The following CAPG variants were observed in gnomAD, a reference collection of about 807,000 sequenced individuals.
The protein encoded by CAPG is macrophage-capping protein.
A neutral mutation model predicts 44.6 loss-of-function variants in CAPG; 32 were observed. The ratio of observed to expected loss-of-function variants is 0.72; its 90% confidence interval spans 0.54 to 0.96. The LOEUF (loss-of-function observed/expected upper bound fraction) is 0.96, where lower values mean the gene tolerates loss of function less well. Among genes scored for constraint, CAPG ranks in the 50% least tolerant of loss-of-function variants. The pLI is 0.00. For missense variants in CAPG, 412 were observed against 438.3 expected (o/e 0.94, Z 0.54); for synonymous variants, 175 against 179.6 (o/e 0.97, Z 0.20).
chr2:85,402,485 G>A (rs1686951941), intron 1 of CAPG, among the ~76,000 whole-genome samples: 1 of 151,440 alleles, frequency 6.6e-6, no homozygotes, highest in Non-Finnish European at 1.5e-5. Flanking sequence ...TTTTTTTTTT[G>A]AGACTGAGTC....
At chr2:85,396,594 T>C (rs1686609439) in intron 8 of CAPG, among the ~76,000 whole-genome samples, 1 of 152,178 alleles carries the variant, frequency 6.6e-6, no homozygotes, top group Non-Finnish European at 1.5e-5. Flanking sequence ...CCAAGTTTCC[T>C]GTTTTTCCTC....
upstream of CAPG, chr2:85,418,961 T>C (rs114794217): frequency 0.059 from 9,000 of 151,906 alleles, 385 homozygotes; most frequent in Middle Eastern, 0.086. Flanking sequence ...AGATGGTGGG[T>C]GGGGGGTTGG....
chr2:85,417,605 C>T (rs1231471073), intron 1 of CAPG, among the ~76,000 whole-genome samples: 1 of 151,906 alleles, frequency 6.6e-6, no homozygotes, highest in Non-Finnish European at 1.5e-5. Context: ...GCCTCAGCCT[C>T]CCGAGTAGCT....
intron 1 of CAPG, among the ~76,000 whole-genome samples, chr2:85,407,020 T>TCAAGCAATTCAA (rs1558736761): frequency 4.0e-5 from 6 of 151,166 alleles, no homozygotes; most frequent in African/African-American, 1.5e-4. Context: ...AACCTCTGCC[T>TCAAGCAATTCAA]CCTGAGTTGA....
intron 8 of CAPG, among the ~76,000 whole-genome samples, chr2:85,396,532 G>C (rs1247749018): frequency 6.6e-6 from 1 of 152,246 alleles, no homozygotes; most frequent in South Asian, 2.1e-4. Context: ...TCCTTCCTCT[G>C]TCAACTGACC....
At chr2:85,401,741 C>T (rs549982416) in intron 3 of CAPG, 44 bp downstream of exon 3, 1 of 1,612,914 alleles carries the variant, frequency 6.2e-7, no homozygotes, top group Admixed American at 1.7e-5. Flanking sequence ...AGCCCCCTCC[C>T]TCCCCTTCCT....
At chr2:85,398,845 A>G in intron 6 of CAPG, 63 bp from the exon 7 acceptor site, 1 of 1,291,434 alleles carries the variant, frequency 7.7e-7, no homozygotes, top group Non-Finnish European at 1.1e-6. Flanking sequence ...CCAGCCCATC[A>G]TGCCCAGGGC....
chr2:85,406,067 C>T (rs1048673690), intron 1 of CAPG, among the ~76,000 whole-genome samples: 14 of 152,004 alleles, frequency 9.2e-5, no homozygotes, highest in Admixed American at 5.9e-4. Flanking sequence ...TTTGGGAGGC[C>T]GTGGTGAGCA....
At chr2:85,411,140 G>T (rs1558739169), upstream of CAPG, among the ~76,000 whole-genome samples, 1 of 152,300 alleles carries the variant, frequency 6.6e-6, no homozygotes, top group East Asian at 1.9e-4. Context: ...ACAGGCGTGG[G>T]CTACTGCACC....
Position 85,394,823 on chromosome 2 carries a change from C to G in CAPG, c.*70G>C. The G allele has an allele frequency of 8.9e-7, 1 of 1,123,070 alleles. No individual in the cohort carries two copies. The highest frequency in any genetic ancestry group is 1.4e-6 in the Non-Finnish European group (1 of 731,096). The allele number at this position is 1,123,070 out of a possible 1,614,324, so 69.6% of individuals were successfully genotyped here. A position where few individuals can be genotyped will look rare whatever the true frequency, so the allele number is the denominator to read the frequency against. On this transcript the variant is annotated 3_prime_UTR_variant, in exon 10 of 10. Transcript: ENST00000263867. ...CTGCAGGGGGCACCTCTGCACTGAC[C>G]AGGCAGCCAGAGAAGCAAGCAGGCA...
rs1435270286 is a variant in CAPG at position 85,399,297 on chromosome 2, C to G, written c.517-12G>C. ...CAGGCGAAGATGTTCTGCAAGGAAGCAGGAAAGTCCGGGTCAGAGCCAGAT... is the reference window on the plus strand; with the variant it reads ...CAGGCGAAGATGTTCTGCAAGGAAGGAGGAAAGTCCGGGTCAGAGCCAGAT... On this transcript the variant is annotated splice_polypyrimidine_tract_variant and intron_variant, in intron 5 of 9. Transcript: ENST00000263867. 4 of 1,613,348 alleles carry G rather than the reference C, an allele frequency of 2.5e-6. No individual in the cohort carries two copies. The highest frequency in any genetic ancestry group is 2.5e-6 in the Non-Finnish European group (3 of 1,179,748).
chr2:85,396,245 G>T (rs1366962864), intron 8 of CAPG, among the ~76,000 whole-genome samples: 1 of 152,074 alleles, frequency 6.6e-6, no homozygotes, highest in Non-Finnish European at 1.5e-5. Context: ...GAGTGCAGCG[G>T]CACCAACACG....
chr2:85,410,873 T>G (rs894378718), upstream of CAPG, among the ~76,000 whole-genome samples: 4 of 150,660 alleles, frequency 2.7e-5, no homozygotes, highest in African/African-American at 7.3e-5. Context: ...TTGTTTTTTT[T>G]TTTTTCCTGA....
At chr2:85,407,184 C>T (rs1373878978) in intron 1 of CAPG, among the ~76,000 whole-genome samples, 3 of 152,060 alleles carry the variant, frequency 2.0e-5, no homozygotes. Flanking sequence ...CCCACCTTGG[C>T]TTCCCAAAGT....
At chr2:85,416,654 A>G (rs1006234509) in intron 1 of CAPG, among the ~76,000 whole-genome samples, 1 of 152,076 alleles carries the variant, frequency 6.6e-6, no homozygotes, top group African/African-American at 2.4e-5. Flanking sequence ...CTGGGACTAC[A>G]GGCGCACGCC....
upstream of CAPG, among the ~76,000 whole-genome samples, chr2:85,411,262 C>T (rs1338827850): frequency 6.6e-6 from 1 of 152,240 alleles, no homozygotes; most frequent in African/African-American, 2.4e-5. Context: ...GCTTCTCATT[C>T]ACCAGATGTT....
At chr2:85,404,766 AAAAT>A (rs1461052628) in intron 1 of CAPG, among the ~76,000 whole-genome samples, 3 of 151,702 alleles carry the variant, frequency 2.0e-5, no homozygotes, top group Non-Finnish European at 2.9e-5. Context: ...AAAATAAAAT[AAAAT>A]AAATAAAAAT....
At chr2:85,396,706 A>G (rs1042830361) in intron 8 of CAPG, among the ~76,000 whole-genome samples, 5 of 152,050 alleles carry the variant, frequency 3.3e-5, no homozygotes, top group Non-Finnish European at 5.9e-5. Context: ...TCCATGGGAT[A>G]TGTGCCCTCT....
intron 1 of CAPG, 96 bp from the exon 2 acceptor site, chr2:85,402,254 C>T: frequency 1.1e-6 from 1 of 897,418 alleles, no homozygotes; most frequent in South Asian, 1.5e-5. Flanking sequence ...CAAGTACTTT[C>T]ATATTCATCA....
Sources: gnomAD v4.1 joint callset for allele counts (sites outside exome capture counted in the v4.1 genomes callset) on GRCh38, gnomAD v4.1.1 for gene constraint, MANE v1.5 for transcripts, NCBI Gene and HGNC (gene_info 2026-07-23, HGNC 2026-07-21) for gene names.